HSPB7: variants seen among roughly 807,000 people sequenced by gnomAD.
HSPB7 encodes the protein heat shock protein beta-7.
A neutral mutation model predicts 11.0 loss-of-function variants in HSPB7; 9 were observed. That is an observed-to-expected ratio of 0.82 (90% CI 0.49 to 1.43). The LOEUF is 1.43. Among genes scored for constraint, HSPB7 ranks in the 40% most tolerant of loss-of-function variants. The pLI is 0.00. For synonymous variants in HSPB7, 102 were observed against 101.6 expected (o/e 1.00, Z -0.02); for missense variants, 246 against 243.9 (o/e 1.01, Z -0.06).
chr1:16,016,356 G>T (rs757102710), intron 2 of HSPB7, among the ~76,000 whole-genome samples: 1 of 152,182 alleles, frequency 6.6e-6, no homozygotes, highest in Admixed American at 6.5e-5. Context: ...GCTTGGGTCA[G>T]GTCCTCTCCT....
At position 16,014,734 on chromosome 1, in the gene HSPB7, G is replaced by A. The variant is rs143304301; in HGVS notation, c.*846C>T. The stretch of plus-strand genomic sequence containing the variant: ...TGGCAAGAAGCTGGGGTCCAACCTC[G>A]AGGACCCAAAGCCCCATCCATGCCC... On this transcript the variant is annotated 3_prime_UTR_variant, in exon 3 of 3. Transcript: ENST00000311890. The A allele has an allele frequency of 3.3e-5, 5 of 152,334 alleles. No individual in the cohort carries two copies. Among genetic ancestry groups the A allele is most frequent in the African/African-American group, 9.6e-5 (4 of 41,550 alleles). The allele number at this position is 152,334 out of a possible 1,614,324, so 9.4% of individuals were successfully genotyped here. A position where few individuals can be genotyped will look rare whatever the true frequency, so the allele number is the denominator to read the frequency against.
rs776461388 is a variant in HSPB7, at chr1:16,017,173, T to C, written c.234A>G (p.Leu78=). Residue 78 remains leucine, a synonymous_variant, in exon 2 of 3, where the codon CTA becomes CTG. Transcript: ENST00000311890. Reference sequence around the variant, plus strand: ...CCACCGCAAACTCATAGGCGTCTCCTAGGGTCTTGATGTTGCCTGCCCCAC... The same window carrying C: ...CCACCGCAAACTCATAGGCGTCTCCCAGGGTCTTGATGTTGCCTGCCCCAC... The part of the protein sequence containing the change: ...RPGGAGNIKT[L]GDAYEFAVDV... The C allele has an allele frequency of 1.9e-6, 3 of 1,613,658 alleles. No homozygotes were observed. In the East Asian group the frequency reaches 6.7e-5, roughly 36 times the overall value.
At position 16,015,798 on chromosome 1, in the gene HSPB7, C is replaced by T; in HGVS notation, c.334-39G>A. ...GACCCGTCAGGCAGGCTGCCCCGAC[C>T]CCTGTCCTGCTTGTGACAAGCCAGA... On this transcript the variant is annotated intron_variant, in intron 2 of 2. Transcript: ENST00000311890. The surrounding 1 kb of genome is among the most constrained non-coding windows in gnomAD (Gnocchi z 4.9). 1 of 1,528,352 alleles carries T rather than the reference C, an allele frequency of 6.5e-7. No individual in the cohort carries two copies. The highest frequency in any genetic ancestry group is 8.8e-7 in the Non-Finnish European group (1 of 1,133,910). The allele number at this position is 1,528,352 out of a possible 1,614,324, so 94.7% of individuals were successfully genotyped here. A position where few individuals can be genotyped will look rare whatever the true frequency, so the allele number is the denominator to read the frequency against.
In HSPB7 at chr1:16,015,858, C is replaced by T. The variant is rs1392149493; in HGVS notation, c.334-99G>A. ...TCCCCATTCTAACCCCAGCCAGACC[C>T]CACATGCCGAGGGGCTCTGCCCTCA... On this transcript the variant is annotated intron_variant, in intron 2 of 2. Coordinates refer to ENST00000311890, the MANE Select transcript of HSPB7 (RefSeq NM_014424.5). The surrounding 1 kb of genome is among the most constrained non-coding windows in gnomAD (Gnocchi z 4.9). 4.3e-6 allele frequency: 5 copies of T among 1,150,906 alleles called. No individual in the cohort carries two copies. The highest frequency in any genetic ancestry group is 6.0e-6 in the Non-Finnish European group (5 of 826,866). 71.3% of individuals were successfully genotyped at this position (1,150,906 alleles called of 1,614,324 possible).
upstream of HSPB7, chr1:16,019,013 G>T: frequency 9.7e-7 from 1 of 1,029,010 alleles, no homozygotes; most frequent in Non-Finnish European, 1.4e-6. Context: ...AGATGTGTTG[G>T]ACCCAAAGCC....
chr1:16,019,003 A>G (rs1237128134), upstream of HSPB7: 5 of 993,720 alleles, frequency 5.0e-6, no homozygotes, highest in African/African-American at 1.6e-5. Flanking sequence ...ATTCGAACCT[A>G]GATGTGTTGG....
At position 16,017,850 on chromosome 1, in the gene HSPB7, G is replaced by A; in HGVS notation, c.114C>T (p.Asp38=). 3 of 1,613,978 alleles carry A rather than the reference G, an allele frequency of 1.9e-6. No individual in the cohort carries two copies. In the African/African-American group the frequency reaches 4.0e-5, roughly 22 times the overall value. Residue 38 remains aspartate, a synonymous_variant, in exon 1 of 3, where the codon GAC becomes GAT. Coordinates refer to ENST00000311890, the MANE Select transcript of HSPB7 (RefSeq NM_014424.5). ...TGCTCAGGGCCTTCTCCATGGGCGG[G>A]TCCTGGGCCGGGAGAGCACGGGAGG... ...SSASRALPAQ[D]PPMEKALSMF...
chr1:16,015,395 GGGA>G lies in HSPB7; in HGVS notation c.*182_*184del, dbSNP rs1160753039. 3.4e-6 allele frequency: 2 copies of G among 586,432 alleles called. No homozygotes were observed. Among genetic ancestry groups the G allele is most frequent in the Non-Finnish European group, 6.0e-6 (2 of 331,498 alleles). 36.3% of individuals were successfully genotyped at this position (586,432 alleles called of 1,614,324 possible). ...AATCTGGGCATCATGTGTCAGGCCA[GGGA>G]GTCCCTGGCCTGCCCTGGATAGAGT... On this transcript the variant is annotated 3_prime_UTR_variant, in exon 3 of 3. Coordinates refer to ENST00000311890, the MANE Select transcript of HSPB7 (RefSeq NM_014424.5). The surrounding 1 kb of genome is among the most constrained non-coding windows in gnomAD (Gnocchi z 4.9).
chr1:16,015,748 G>C lies in HSPB7; in HGVS notation c.345C>G (p.Asp115Glu), dbSNP rs368018183. ...GAGCGAAGGTGTTCATGACAGTGCC[G>C]TCAGCCGCCAGCTGGGGAAGGGGTG... Reference protein sequence around the residue: ...IEVRAEKLAADGTVMNTFAHK... With the variant: ...IEVRAEKLAAEGTVMNTFAHK... The change falls in exon 3 of 3, where the codon GAC becomes GAG. Residue 115 changes from aspartate (D) to glutamate (E), a missense_variant. By Grantham distance (45) the Asp-to-Glu change is conservative (BLOSUM62 2). Coordinates refer to ENST00000311890, the MANE Select transcript of HSPB7 (RefSeq NM_014424.5). The surrounding 1 kb of genome is among the most constrained non-coding windows in gnomAD (Gnocchi z 4.9). 4.4e-6 allele frequency: 7 copies of C among 1,582,156 alleles called. No homozygotes were observed. In the African/African-American group the frequency reaches 6.7e-5, roughly 15 times the overall value.
chr1:16,019,049 A>G (rs1470220698), upstream of HSPB7: 2 of 1,246,370 alleles, frequency 1.6e-6, no homozygotes, highest in South Asian at 1.5e-5. Flanking sequence ...TGGTTTGAAC[A>G]TGTGCCTATG....
At chr1:16,018,418 C>A, upstream of HSPB7, 1 of 1,172,742 alleles carries the variant, frequency 8.5e-7, no homozygotes, top group Non-Finnish European at 1.1e-6. Context: ...TGGTTCTCCT[C>A]CACGGCTGTA....
chr1:16,019,466 C>T, upstream of HSPB7: 13 of 1,545,940 alleles, frequency 8.4e-6, no homozygotes, highest in Non-Finnish European at 1.0e-5. Flanking sequence ...ACCTGTCTCC[C>T]CATTAGATTG....
upstream of HSPB7, chr1:16,018,231 A>G (rs1465263235): frequency 1.4e-6 from 2 of 1,478,438 alleles, no homozygotes; most frequent in Non-Finnish European, 1.8e-6. Flanking sequence ...CTGACATTCC[A>G]GGCTGATCAC....
intron 2 of HSPB7, among the ~76,000 whole-genome samples, chr1:16,016,465 A>G (rs2021738299): frequency 1.3e-5 from 2 of 152,082 alleles, no homozygotes. Context: ...AGAAGTTCGG[A>G]CTCAGACACG....
Position 16,015,904 on chromosome 1 carries a change from G to C in HSPB7, c.334-145C>G. On this transcript the variant is annotated intron_variant, in intron 2 of 2. Transcript: ENST00000311890. This position sits in a 1 kb window ranked among gnomAD's most constrained non-coding sequence, Gnocchi z 4.9. ...CCTCAGGTGCCGAGGGGCTGCCCAGGGTGGTGATGGCCACAGGCCAAAGGC... is the reference window on the plus strand; with the variant it reads ...CCTCAGGTGCCGAGGGGCTGCCCAGCGTGGTGATGGCCACAGGCCAAAGGC... 1.3e-6 allele frequency: 1 copy of C among 767,256 alleles called. No individual in the cohort carries two copies. 47.5% of individuals were successfully genotyped at this position (767,256 alleles called of 1,614,324 possible).
At chr1:16,017,376 G>A (rs1398502727) in intron 1 of HSPB7, 169 bp from the exon 2 acceptor site, 1 of 846,526 alleles carries the variant, frequency 1.2e-6, no homozygotes, top group African/African-American at 1.7e-5. Flanking sequence ...TTTCTGGGGT[G>A]GGGGTGGGGC....
At position 16,015,616 on chromosome 1, in the gene HSPB7, G is replaced by A. The variant is rs200248116; in HGVS notation, c.477C>T (p.His159=). Residue 159 remains histidine (H), a synonymous_variant, in exon 3 of 3, where the codon CAC becomes CAT. Coordinates refer to ENST00000311890, the MANE Select transcript of HSPB7 (RefSeq NM_014424.5). The surrounding 1 kb of genome is among the most constrained non-coding windows in gnomAD (Gnocchi z 4.9). ...TCTCCGTCCGGAAGGTCTGCTGGAC[G>A]TGTTCTGTATGCGGGTGACGCCGTG... ...IRARRHPHTE[H]VQQTFRTEIK... is the part of the protein sequence containing the mutation. The A allele has an allele frequency of 8.7e-6, 14 of 1,614,096 alleles. No individual in the cohort carries two copies. The highest frequency in any genetic ancestry group is 2.2e-5 in the South Asian group (2 of 91,084).
upstream of HSPB7, chr1:16,018,874 G>T: frequency 7.5e-7 from 1 of 1,328,066 alleles, no homozygotes; most frequent in Non-Finnish European, 9.7e-7. Flanking sequence ...TGTCCAGCAC[G>T]GCCCCGTTTG....
In HSPB7 at chr1:16,015,346, T is replaced by C. The variant is rs2148840429; in HGVS notation, c.*234A>G. 1 of 527,640 alleles carries C rather than the reference T, an allele frequency of 1.9e-6. No individual in the cohort carries two copies. Among genetic ancestry groups the C allele is most frequent in the East Asian group, 3.4e-5 (1 of 29,090 alleles). The allele number at this position is 527,640 out of a possible 1,614,324, so 32.7% of individuals were successfully genotyped here. A position where few individuals can be genotyped will look rare whatever the true frequency, so the allele number is the denominator to read the frequency against. On this transcript the variant is annotated 3_prime_UTR_variant, in exon 3 of 3. Transcript: ENST00000311890. The surrounding 1 kb of genome is among the most constrained non-coding windows in gnomAD (Gnocchi z 4.9). The stretch of plus-strand genomic sequence containing the variant: ...CTGACCCCAGCCCCTGTACTCTGGA[T>C]TAAGTGACGGAGGCCAAATCTGAAA...
Sources: gnomAD v4.1 joint callset for allele counts (sites outside exome capture counted in the v4.1 genomes callset) on GRCh38, gnomAD v4.1.1 for gene constraint, Gnocchi (gnomAD v3.1) non-coding constraint, MANE v1.5 for transcripts, NCBI Gene and HGNC (gene_info 2026-07-23, HGNC 2026-07-21) for gene names.